PRKAG2: variants seen among roughly 807,000 people sequenced by gnomAD.
PRKAG2 encodes 5'-AMP-activated protein kinase subunit gamma-2.
In PRKAG2, 26 loss-of-function variants were observed where a neutral mutation model predicts 69.6. The observed-to-expected ratio is 0.37, with a 90% CI of 0.27 to 0.52. The LOEUF is 0.52. Among genes scored for constraint, PRKAG2 ranks in the 20% least tolerant of loss-of-function variants. The probability of loss-of-function intolerance (pLI) is 0.90; values close to 1 mark genes in which losing one functional copy is unlikely to be tolerated. For missense variants in PRKAG2, 557 were observed against 740.0 expected (o/e 0.75, Z 2.87); for synonymous variants, 293 against 285.0 (o/e 1.03, Z -0.28).
At chr7:151,581,054 C>A (rs1259725420) in intron 6 of PRKAG2, among the ~76,000 whole-genome samples, 1 of 152,016 alleles carries the variant, frequency 6.6e-6, no homozygotes, top group South Asian at 2.1e-4. Flanking sequence ...ATATTTCATG[C>A]ACCCTATAAG....
At position 151,835,504 on chromosome 7, in the gene PRKAG2, G is replaced by A. The variant is rs1288421958; in HGVS notation, c.114+41003C>T. 1.3e-5 allele frequency among the ~76,000 whole-genome samples: 2 copies of A among 152,064 alleles called. No homozygotes were observed. The highest frequency in any genetic ancestry group is 3.9e-4 in the East Asian group (2 of 5,172). On this transcript the variant is annotated intron_variant, in intron 1 of 15. Transcript: ENST00000287878. This position sits in a 1 kb window ranked among gnomAD's most constrained non-coding sequence, Gnocchi z 4.1. ...CCACCACACTCGACACCCTTAGAAA[G>A]TTTTCAGAAATTGCTCTTGTCTGCC...
rs1346034539 is a variant in PRKAG2 at position 151,638,195 on chromosome 7, T to C, written c.685-6057A>G. ...TGGCACAGTTCCACCACAGGGAACATTTCCATTTATATCACATCAGCCAGT... is the reference window on the plus strand; with the variant it reads ...TGGCACAGTTCCACCACAGGGAACACTTCCATTTATATCACATCAGCCAGT... On this transcript the variant is annotated intron_variant, in intron 4 of 15. Transcript: ENST00000287878. This position sits in a 1 kb window ranked among gnomAD's most constrained non-coding sequence, Gnocchi z 4.3. 6.6e-6 allele frequency among the ~76,000 whole-genome samples: 1 copy of C among 152,100 alleles called. No individual in the cohort carries two copies.
At chr7:151,795,846 C>CATATATATATAT (rs55657994) in intron 1 of PRKAG2, among the ~76,000 whole-genome samples, 6 of 56,798 alleles carry the variant, frequency 1.1e-4, no homozygotes, top group African/African-American at 1.4e-4. Context: ...AAACAAATCT[C>CATATATATATAT]ATATATATAT....
chr7:151,680,556 G>A (rs988887993), intron 3 of PRKAG2, among the ~76,000 whole-genome samples: 1 of 152,230 alleles, frequency 6.6e-6, no homozygotes, highest in African/African-American at 2.4e-5. Context: ...GGAAACACTG[G>A]CTGTCTCCAG....
At chr7:151,707,121 G>T (rs1395257293) in intron 3 of PRKAG2, among the ~76,000 whole-genome samples, 3 of 132,430 alleles carry the variant, frequency 2.3e-5, no homozygotes, top group African/African-American at 8.0e-5. Flanking sequence ...TTTAACACCT[G>T]GTCAGAGGAC....
At chr7:151,741,403 C>T (rs1032321565) in intron 3 of PRKAG2, among the ~76,000 whole-genome samples, 7 of 151,308 alleles carry the variant, frequency 4.6e-5, no homozygotes, top group African/African-American at 1.5e-4. Context: ...CAAGGCCGGG[C>T]GCAGTGGCTC....
intron 3 of PRKAG2, among the ~76,000 whole-genome samples, chr7:151,702,856 C>T (rs1268245115): frequency 6.6e-6 from 1 of 152,170 alleles, no homozygotes; most frequent in Non-Finnish European, 1.5e-5. Flanking sequence ...TGGGAAGGGT[C>T]CAAGTTCAGG....
Position 151,649,283 on chromosome 7 carries a change from A to C in PRKAG2, c.685-17145T>G, listed in dbSNP as rs376307933. 4.6e-5 allele frequency among the ~76,000 whole-genome samples: 7 copies of C among 151,916 alleles called. No homozygotes were observed. In the South Asian group the frequency reaches 1.2e-3, roughly 27 times the overall value. On this transcript the variant is annotated intron_variant, in intron 4 of 15. Transcript: ENST00000287878. ...TGGGATTGCAGGCACCTACCACCACACCTGGCTAAGTTGTGTATGTTTAGC... is the reference window on the plus strand; with the variant it reads ...TGGGATTGCAGGCACCTACCACCACCCCTGGCTAAGTTGTGTATGTTTAGC...
chr7:151,557,711 A>C (rs1804050200), intron 15 of PRKAG2: 1 of 485,530 alleles, frequency 2.1e-6, no homozygotes, highest in African/African-American at 2.1e-5. Flanking sequence ...CTCTACTAAA[A>C]ATACAAAAAT....
rs191686790 is a variant in PRKAG2, at chr7:151,791,305, T to C, written c.115-4764A>G. Among the ~76,000 whole-genome samples the C allele has an allele frequency of 4.3e-3, 659 of 152,300 alleles. 5 individuals are homozygous for C. Among genetic ancestry groups the C allele is most frequent in the Non-Finnish European group, 4.3e-3 (290 of 68,014 alleles). On this transcript the variant is annotated intron_variant, in intron 1 of 15. Coordinates refer to ENST00000287878, the MANE Select transcript of PRKAG2 (RefSeq NM_016203.4). ...CTTGGCTTGTAGAATACTTAGGACC[T>C]GGTGTCTCGGGTGACATGCCAGAAG...
chr7:151,786,391 G>A (rs2077009476), intron 2 of PRKAG2, 79 bp downstream of exon 2: 3 of 1,365,810 alleles, frequency 2.2e-6, no homozygotes, highest in South Asian at 2.5e-5. Flanking sequence ...GAACACACAG[G>A]TGGAAGTGGG....
chr7:151,735,934 C>T (rs745470170), intron 3 of PRKAG2: 38 of 1,536,230 alleles, frequency 2.5e-5, no homozygotes, highest in African/African-American at 1.6e-4. Flanking sequence ...GGCGCCTCTC[C>T]GTGCTTCGAT....
chr7:151,844,916 A>G (rs1397178845), intron 1 of PRKAG2, among the ~76,000 whole-genome samples: 1 of 150,396 alleles, frequency 6.6e-6, no homozygotes, highest in African/African-American at 2.5e-5. Flanking sequence ...AGTCTGGCAG[A>G]TGAATTCTGT....
intron 3 of PRKAG2, chr7:151,735,954 T>C: frequency 6.5e-7 from 1 of 1,536,368 alleles, no homozygotes; most frequent in South Asian, 1.2e-5. Flanking sequence ...TTTTGGTCCT[T>C]GTGTTTCTTG....
chr7:151,796,131 G>T (rs2077523911), intron 1 of PRKAG2, among the ~76,000 whole-genome samples: 1 of 151,790 alleles, frequency 6.6e-6, no homozygotes, highest in Non-Finnish European at 1.5e-5. Flanking sequence ...AGAGCCCTAG[G>T]CCCCCTCACC....
chr7:151,562,802 C>T (rs868529659), intron 14 of PRKAG2, among the ~76,000 whole-genome samples: 2 of 132,220 alleles, frequency 1.5e-5, no homozygotes, highest in Non-Finnish European at 3.2e-5. Flanking sequence ...CCCGTCTCTA[C>T]TAAAAATACA....
chr7:151,655,578 C>T (rs1318869141), intron 4 of PRKAG2, among the ~76,000 whole-genome samples: 1 of 152,162 alleles, frequency 6.6e-6, no homozygotes, highest in Non-Finnish European at 1.5e-5. Context: ...GGACTGGCTA[C>T]ATAATTTGCC....
intron 8 of PRKAG2, among the ~76,000 whole-genome samples, chr7:151,573,394 G>A (rs1159218920): frequency 8.2e-6 from 1 of 122,548 alleles, no homozygotes; most frequent in Non-Finnish European, 1.6e-5. Context: ...TTGCCCCACT[G>A]GTCTCAAACT....
chr7:151,623,852 C>T (rs976282664), intron 5 of PRKAG2, among the ~76,000 whole-genome samples: 2 of 151,984 alleles, frequency 1.3e-5, no homozygotes, highest in South Asian at 2.1e-4. Flanking sequence ...GAGAAGTCAA[C>T]GTGAAGACTG....
Sources: gnomAD v4.1 joint callset for allele counts (sites outside exome capture counted in the v4.1 genomes callset) on GRCh38, gnomAD v4.1.1 for gene constraint, Gnocchi (gnomAD v3.1) non-coding constraint, MANE v1.5 for transcripts, NCBI Gene and HGNC (gene_info 2026-07-23, HGNC 2026-07-21) for gene names.